TMEM53: variants seen among roughly 807,000 people sequenced by gnomAD.
TMEM53 encodes novel DUF829 domain-containing protein.
A neutral mutation model predicts 21.4 loss-of-function variants in TMEM53; 14 were observed. That is an observed-to-expected ratio of 0.65 (90% CI 0.43 to 1.02). The LOEUF is 1.02. TMEM53 is among the 50% of genes least tolerant of loss of function. TMEM53 has a pLI of 0.00. For synonymous variants in TMEM53, 148 were observed against 157.4 expected, an observed-to-expected ratio of 0.94 and a Z score of 0.45; for missense variants, 323 against 383.6, an observed-to-expected ratio of 0.84 and a Z score of 1.32.
intron 1 of TMEM53, among the ~76,000 whole-genome samples, chr1:44,671,809 G>A (rs1426487750): frequency 1.3e-5 from 2 of 152,146 alleles, no homozygotes; most frequent in African/African-American, 2.4e-5. Context: ...GGTGCCTGTA[G>A]TCCCAGCTAC....
intron 2 of TMEM53, among the ~76,000 whole-genome samples, chr1:44,657,194 T>A (rs1185463713): frequency 6.6e-6 from 1 of 152,026 alleles, no homozygotes; most frequent in East Asian, 1.9e-4. Context: ...ACCTTGAATC[T>A]AAAATCAGGT....
intron 1 of TMEM53, among the ~76,000 whole-genome samples, chr1:44,669,211 C>T (rs758580052): frequency 1.3e-5 from 2 of 152,104 alleles, no homozygotes; most frequent in Non-Finnish European, 2.9e-5. Context: ...TGCTTTCTTC[C>T]GTTTGGCAAT....
intron 1 of TMEM53, among the ~76,000 whole-genome samples, chr1:44,665,917 C>CA (rs1266382573): frequency 1.3e-5 from 2 of 151,212 alleles, no homozygotes; most frequent in Non-Finnish European, 2.9e-5. Flanking sequence ...GGACATAATC[C>CA]AAAAAAAGTG....
chr1:44,670,357 G>A (rs1165868791), intron 1 of TMEM53, among the ~76,000 whole-genome samples: 3 of 152,086 alleles, frequency 2.0e-5, no homozygotes, highest in Non-Finnish European at 4.4e-5. Flanking sequence ...GCCACTCACT[G>A]TCCCCCTTCA....
chr1:44,670,634 G>A (rs1446492795), intron 1 of TMEM53, among the ~76,000 whole-genome samples: 1 of 152,160 alleles, frequency 6.6e-6, no homozygotes, highest in Non-Finnish European at 1.5e-5. Context: ...AACTTCCTGA[G>A]GGTTAAAATG....
chr1:44,655,379 C>T lies in TMEM53; in HGVS notation c.184-170G>A, dbSNP rs1014924603. 1.3e-5 allele frequency among the ~76,000 whole-genome samples: 2 copies of T among 152,244 alleles called. No homozygotes were observed. Among genetic ancestry groups the T allele is most frequent in the African/African-American group, 2.4e-5 (1 of 41,472 alleles). On this transcript the variant is annotated intron_variant, in intron 2 of 2. Coordinates refer to ENST00000372237, the MANE Select transcript of TMEM53 (RefSeq NM_024587.4). The surrounding 1 kb of genome is among the most constrained non-coding windows in gnomAD (Gnocchi z 4.4). ...CCTGAGCCCACCAGCCCGCTGCCCA[C>T]AGACACAGGTGCCTTCTGGGCAGGG...
At chr1:44,656,468 G>A (rs1644850075) in intron 2 of TMEM53, among the ~76,000 whole-genome samples, 1 of 152,100 alleles carries the variant, frequency 6.6e-6, no homozygotes, top group Non-Finnish European at 1.5e-5. Flanking sequence ...TGACCTCCTA[G>A]CCCTGGAGTG....
At chr1:44,668,389 C>T (rs1644968013) in intron 1 of TMEM53, among the ~76,000 whole-genome samples, 1 of 151,958 alleles carries the variant, frequency 6.6e-6, no homozygotes, top group Admixed American at 6.6e-5. Flanking sequence ...CACCACTGCA[C>T]TCCAGCCTGG....
chr1:44,664,053 G>C (rs1479033616), intron 1 of TMEM53, among the ~76,000 whole-genome samples: 1 of 151,714 alleles, frequency 6.6e-6, no homozygotes, highest in Non-Finnish European at 1.5e-5. Context: ...TCAGGGTGCT[G>C]AGGCAGGAGG....
rs1012279222 is a variant in TMEM53 at position 44,653,887 on chromosome 1, G to C, written c.*672C>G. The C allele has an allele frequency of 2.4e-4, 37 of 152,254 alleles. No individual in the cohort carries two copies. The highest frequency in any genetic ancestry group is 8.2e-4 in the African/African-American group (34 of 41,466). 9.4% of individuals were successfully genotyped at this position (152,254 alleles called of 1,614,324 possible). A position where few individuals can be genotyped will look rare whatever the true frequency, so the allele number is the denominator to read the frequency against. ...GATGATGAAGTTCTGAATTATGCAA[G>C]ATGCAAGACTATTCAGTTCTAGAGG... On this transcript the variant is annotated 3_prime_UTR_variant, in exon 3 of 3. Coordinates refer to ENST00000372237, the MANE Select transcript of TMEM53 (RefSeq NM_024587.4).
chr1:44,658,465 C>T (rs1644869737), intron 2 of TMEM53, among the ~76,000 whole-genome samples: 2 of 152,176 alleles, frequency 1.3e-5, no homozygotes, highest in African/African-American at 4.8e-5. Context: ...CCTGACTACC[C>T]TCTATCCCTG....
chr1:44,654,539 G>C lies in TMEM53; in HGVS notation c.*20C>G. 6.3e-7 allele frequency: 1 copy of C among 1,593,528 alleles called. No individual in the cohort carries two copies. Among genetic ancestry groups the C allele is most frequent in the East Asian group, 2.2e-5 (1 of 44,446 alleles). ...GTCAGGCATTTATTTCTGGAGCAGA[G>C]GTGAGATGGAGCAATGGCCTCAGCA... On this transcript the variant is annotated 3_prime_UTR_variant, in exon 3 of 3. Coordinates refer to ENST00000372237, the MANE Select transcript of TMEM53 (RefSeq NM_024587.4). The surrounding 1 kb of genome is among the most constrained non-coding windows in gnomAD (Gnocchi z 7.0).
chr1:44,661,912 C>T (rs1231302130), intron 1 of TMEM53, among the ~76,000 whole-genome samples: 1 of 152,200 alleles, frequency 6.6e-6, no homozygotes, highest in Non-Finnish European at 1.5e-5. Context: ...AAAGTGAATA[C>T]CCGCCCCCTC....
At chr1:44,661,316 C>T (rs1036655795) in intron 1 of TMEM53, among the ~76,000 whole-genome samples, 3 of 152,090 alleles carry the variant, frequency 2.0e-5, no homozygotes, top group African/African-American at 7.2e-5. Context: ...GGGCAACCTC[C>T]ATCTCCCGGG....
At chr1:44,660,339 G>A in intron 1 of TMEM53, 44 bp from the exon 2 acceptor site, 1 of 1,578,360 alleles carries the variant, frequency 6.3e-7, no homozygotes, top group Non-Finnish European at 8.6e-7. Context: ...CTGGGGTGGG[G>A]GCGGGGGTGA....
intron 1 of TMEM53, among the ~76,000 whole-genome samples, chr1:44,665,240 G>A (rs1557495607): frequency 6.6e-6 from 1 of 152,198 alleles, no homozygotes; most frequent in Non-Finnish European, 1.5e-5. Flanking sequence ...AAGAGATGGT[G>A]AAGGCCTGAA....
chr1:44,668,257 A>AT (rs1374844048), intron 1 of TMEM53, among the ~76,000 whole-genome samples: 2 of 151,932 alleles, frequency 1.3e-5, no homozygotes, highest in Admixed American at 1.3e-4. Context: ...CCTGGCTAAC[A>AT]GGTGAAACCC....
chr1:44,655,221 G>A lies in TMEM53; in HGVS notation c.184-12C>T, dbSNP rs202127492. On this transcript the variant is annotated splice_polypyrimidine_tract_variant and intron_variant, in intron 2 of 2. Coordinates refer to ENST00000372237, the MANE Select transcript of TMEM53 (RefSeq NM_024587.4). The surrounding 1 kb of genome is among the most constrained non-coding windows in gnomAD (Gnocchi z 4.4). ...ATTACGATGCAGCCCTGGGGAGAGAGGCCTGGTCAGTCCTCACAGATGAGG... is the reference window on the plus strand; with the variant it reads ...ATTACGATGCAGCCCTGGGGAGAGAAGCCTGGTCAGTCCTCACAGATGAGG... 3 of 1,583,932 alleles carry A rather than the reference G, an allele frequency of 1.9e-6. No homozygotes were observed. Among genetic ancestry groups the A allele is most frequent in the Non-Finnish European group, 2.6e-6 (3 of 1,164,228 alleles).
At chr1:44,674,100 G>A (rs1274121998) in intron 1 of TMEM53, 16 of 985,448 alleles carry the variant, frequency 1.6e-5, no homozygotes, top group South Asian at 1.4e-4. Context: ...GGTCCCAAGC[G>A]AGCAGCTGAC....
Sources: gnomAD v4.1 joint callset for allele counts (sites outside exome capture counted in the v4.1 genomes callset) on GRCh38, gnomAD v4.1.1 for gene constraint, Gnocchi (gnomAD v3.1) non-coding constraint, MANE v1.5 for transcripts, NCBI Gene and HGNC (gene_info 2026-07-23, HGNC 2026-07-21) for gene names.